KAZN: variants seen among roughly 807,000 people sequenced by gnomAD.
KAZN encodes the protein kazrin, periplakin interacting protein.
Under a neutral mutation model 87.4 loss-of-function variants are expected in KAZN, and 40 were observed. The ratio of observed to expected loss-of-function variants is 0.46; its 90% CI spans 0.36 to 0.60. The LOEUF is 0.60. Ranked by LOEUF, KAZN falls within the 20% of genes least tolerant of loss-of-function variation. The pLI is 0.00. For synonymous variants in KAZN, 466 were observed against 458.3 expected, an observed-to-expected ratio of 1.02 and a Z score of -0.22; for missense variants, 898 against 1,073.9, an observed-to-expected ratio of 0.84 and a Z score of 2.29.
chr1:14,415,549 G>A (rs1664677943), intron 2 of KAZN, among the ~76,000 whole-genome samples: 3 of 152,118 alleles, frequency 2.0e-5, no homozygotes, highest in Admixed American at 1.3e-4. Context: ...ACTGAAGTCT[G>A]TGCTGCCCCC....
chr1:14,797,753 T>C lies in KAZN; in HGVS notation c.227-162931T>C, dbSNP rs181395590. On this transcript the variant is annotated intron_variant, in intron 1 of 14. Coordinates refer to ENST00000376030, the MANE Select transcript of KAZN (RefSeq NM_201628.3). ...ACTAGTTACGGGGCCCCAGGCAAAT[T>C]ACCTCTCCAAGCCTCAGTTTCCTCA... Among the ~76,000 whole-genome samples, 157 of 152,256 alleles carry C rather than the reference T, an allele frequency of 1.0e-3. 1 individual carries two copies. Among genetic ancestry groups the C allele is most frequent in the Non-Finnish European group, 1.8e-3 (122 of 68,006 alleles).
chr1:14,810,256 T>C (rs1557513950), intron 1 of KAZN, among the ~76,000 whole-genome samples: 2 of 152,098 alleles, frequency 1.3e-5, no homozygotes, highest in Non-Finnish European at 2.9e-5. Flanking sequence ...ACACCTTTCC[T>C]AAGGGAGCAC....
chr1:14,925,501 G>A (rs1659076790), intron 1 of KAZN, among the ~76,000 whole-genome samples: 1 of 152,182 alleles, frequency 6.6e-6, no homozygotes, highest in Non-Finnish European at 1.5e-5. Context: ...CCCTGGGAGT[G>A]AGGCTGTGTT....
At chr1:14,117,442 G>T (rs769569588) in intron 1 of KAZN, among the ~76,000 whole-genome samples, 1 of 152,158 alleles carries the variant, frequency 6.6e-6, no homozygotes, top group African/African-American at 2.4e-5. Flanking sequence ...CGCCATGATT[G>T]TGAGGCCTAC....
intron 1 of KAZN, among the ~76,000 whole-genome samples, chr1:14,070,671 G>A (rs969611318): frequency 6.6e-6 from 1 of 152,146 alleles, no homozygotes; most frequent in African/African-American, 2.4e-5. Context: ...TAGTTCAAAA[G>A]GTGACACTTT....
chr1:13,992,698 G>A (rs558223609), intron 1 of KAZN, among the ~76,000 whole-genome samples: 25 of 152,246 alleles, frequency 1.6e-4, no homozygotes, highest in African/African-American at 6.0e-4. Context: ...AAGGTAAAGA[G>A]CAGGGGAACG....
chr1:14,579,728 G>A (rs901255825), intron 2 of KAZN, among the ~76,000 whole-genome samples: 5 of 152,068 alleles, frequency 3.3e-5, no homozygotes, highest in South Asian at 2.1e-4. Flanking sequence ...ATCTGATTCA[G>A]AACGAACGGG....
intron 2 of KAZN, among the ~76,000 whole-genome samples, chr1:14,271,371 G>T (rs1472025729): frequency 6.6e-6 from 1 of 152,212 alleles, no homozygotes; most frequent in Non-Finnish European, 1.5e-5. Flanking sequence ...ACACTGTGAG[G>T]CTGTGAAGAA....
chr1:14,870,532 G>A lies in KAZN; in HGVS notation c.227-90152G>A, dbSNP rs192795126. The stretch of plus-strand genomic sequence containing the variant: ...ATTTTTGTATTTTTAGTAGAGACGC[G>A]GTTTCTCCATGTTGGCCAGGCTACT... On this transcript the variant is annotated intron_variant, in intron 1 of 14. Coordinates refer to ENST00000376030, the MANE Select transcript of KAZN (RefSeq NM_201628.3). Among the ~76,000 whole-genome samples the A allele has an allele frequency of 6.1e-4, 93 of 152,220 alleles. No individual in the cohort carries two copies. In the East Asian group the frequency reaches 9.9e-3, roughly 16 times the overall value.
At chr1:14,100,042 A>G (rs1391541982) in intron 1 of KAZN, among the ~76,000 whole-genome samples, 1 of 152,150 alleles carries the variant, frequency 6.6e-6, no homozygotes, top group Admixed American at 6.5e-5. Context: ...TGGCCATGAA[A>G]GTTGCATCTG....
chr1:13,906,451 T>C (rs1639440322), intron 1 of KAZN, among the ~76,000 whole-genome samples: 1 of 152,024 alleles, frequency 6.6e-6, no homozygotes, highest in South Asian at 2.1e-4. Flanking sequence ...TGTGAGGAAA[T>C]GATGCTTCTA....
intron 2 of KAZN, among the ~76,000 whole-genome samples, chr1:14,258,019 A>G (rs780362861): frequency 2.7e-5 from 4 of 150,306 alleles, no homozygotes; most frequent in Non-Finnish European, 5.9e-5. Context: ...GAATGGGGGA[A>G]AAATTAGACA....
At chr1:14,985,482 A>T (rs1342585791) in intron 2 of KAZN, among the ~76,000 whole-genome samples, 1 of 151,946 alleles carries the variant, frequency 6.6e-6, no homozygotes, top group East Asian at 1.9e-4. Context: ...GTGAGCTGAG[A>T]TCATGCCACT....
At chr1:15,010,386 CTTTTTTTTTTT>C (rs34697316) in intron 2 of KAZN, among the ~76,000 whole-genome samples, 1 of 78,220 alleles carries the variant, frequency 1.3e-5, no homozygotes, top group Admixed American at 1.6e-4. Context: ...GGTTGTCTTG[CTTTTTTTTTTT>C]TTTTTTTTTT....
At chr1:13,945,658 T>A (rs1047860785) in intron 1 of KAZN, among the ~76,000 whole-genome samples, 2 of 145,862 alleles carry the variant, frequency 1.4e-5, no homozygotes, top group Non-Finnish European at 3.0e-5. Context: ...ATGATTTTTT[T>A]AAATGACATT....
intron 6 of KAZN, chr1:15,061,781 A>C (rs1280608805): frequency 6.6e-6 from 1 of 152,288 alleles, no homozygotes; most frequent in Non-Finnish European, 1.5e-5. Flanking sequence ...CAGTCTCCCA[A>C]AGTGCTGGGA....
intron 1 of KAZN, among the ~76,000 whole-genome samples, chr1:14,053,741 A>G (rs1459758361): frequency 6.6e-6 from 1 of 152,222 alleles, no homozygotes; most frequent in Non-Finnish European, 1.5e-5. Flanking sequence ...TGAACAATGC[A>G]GGGATTAGAG....
At chr1:15,113,627 G>C (rs879315156) in intron 14 of KAZN, 1 of 152,008 alleles carries the variant, frequency 6.6e-6, no homozygotes, top group African/African-American at 2.4e-5. Flanking sequence ...GGACTTACTC[G>C]GTGCAAGCAC....
At chr1:14,942,818 C>A (rs1661249140) in intron 1 of KAZN, among the ~76,000 whole-genome samples, 1 of 152,120 alleles carries the variant, frequency 6.6e-6, no homozygotes, top group Non-Finnish European at 1.5e-5. Flanking sequence ...TCTAGGAGGA[C>A]CTGGAAGGAT....
Sources: gnomAD v4.1 joint callset for allele counts (sites outside exome capture counted in the v4.1 genomes callset) on GRCh38, gnomAD v4.1.1 for gene constraint, MANE v1.5 for transcripts, NCBI Gene and HGNC (gene_info 2026-07-23, HGNC 2026-07-21) for gene names.